Variants in CTNNA2 observed in about 807,000 individuals in gnomAD.
The protein encoded by CTNNA2 is catenin alpha-2.
A neutral mutation model predicts 101.0 loss-of-function variants in CTNNA2; 42 were observed. The observed-to-expected ratio is 0.42, with a 90% confidence interval of 0.32 to 0.54. CTNNA2 has a LOEUF of 0.54. Among genes scored for constraint, CTNNA2 ranks in the 20% least tolerant of loss-of-function variants. CTNNA2 has a pLI of 0.14. For missense variants in CTNNA2, 871 were observed against 1,223.1 expected, an observed-to-expected ratio of 0.71 and a Z score of 4.29; for synonymous variants, 450 against 456.4, an observed-to-expected ratio of 0.99 and a Z score of 0.18.
intron 4 of CTNNA2, among the ~76,000 whole-genome samples, chr2:79,400,794 A>C (rs907180028): frequency 1.3e-5 from 2 of 151,944 alleles, no homozygotes; most frequent in Admixed American, 6.6e-5. Flanking sequence ...TACATATCCA[A>C]TTAGTTCAAT....
At chr2:80,385,943 A>G (rs1440852845) in intron 7 of CTNNA2, among the ~76,000 whole-genome samples, 1 of 152,070 alleles carries the variant, frequency 6.6e-6, no homozygotes, top group Non-Finnish European at 1.5e-5. Flanking sequence ...CTGCCCACAG[A>G]GTCTTGGTTG....
At chr2:79,416,065 T>C (rs1175230946) in intron 4 of CTNNA2, among the ~76,000 whole-genome samples, 3 of 152,092 alleles carry the variant, frequency 2.0e-5, no homozygotes, top group African/African-American at 7.2e-5. Context: ...CAGCTATTAA[T>C]AAGATACTTG....
At chr2:79,380,376 C>T (rs921684119) in intron 4 of CTNNA2, among the ~76,000 whole-genome samples, 10 of 140,120 alleles carry the variant, frequency 7.1e-5, no homozygotes, top group Non-Finnish European at 1.1e-4. Flanking sequence ...CATGCCTCTT[C>T]CATTTTATGA....
At chr2:80,065,918 T>C (rs1697954856) in intron 7 of CTNNA2, among the ~76,000 whole-genome samples, 2 of 152,168 alleles carry the variant, frequency 1.3e-5, no homozygotes, top group African/African-American at 4.8e-5. Context: ...ATTCCTGAAA[T>C]AACTTAAAGA....
chr2:79,264,134 A>G (rs1674959835), intron 2 of CTNNA2, among the ~76,000 whole-genome samples: 1 of 152,154 alleles, frequency 6.6e-6, no homozygotes, highest in African/African-American at 2.4e-5. Flanking sequence ...ACTGGAATGA[A>G]GGAGGGAAAC....
intron 5 of CTNNA2, among the ~76,000 whole-genome samples, chr2:79,872,403 A>T (rs60021280): frequency 0.051 from 7,730 of 152,202 alleles, 568 homozygotes; most frequent in East Asian, 0.29. Context: ...TTTAGTATAG[A>T]TACCCAGGAA....
intron 1 of CTNNA2, among the ~76,000 whole-genome samples, chr2:79,518,571 C>T (rs1671929245): frequency 1.3e-5 from 2 of 152,150 alleles, no homozygotes; most frequent in Non-Finnish European, 2.9e-5. Flanking sequence ...TGTTCTTCCA[C>T]ATCCCACCCA....
rs142814671 is a variant in CTNNA2 at position 80,324,758 on chromosome 2, C to T, written c.1057-68453C>T. On this transcript the variant is annotated intron_variant, in intron 7 of 18. Transcript: ENST00000402739. Reference sequence around the variant, plus strand: ...CCCTCATCTTGCTGTTACTATGTCTCTTATTGGTTTTATTCCAGACACACT... The same window carrying T: ...CCCTCATCTTGCTGTTACTATGTCTTTTATTGGTTTTATTCCAGACACACT... Among the ~76,000 whole-genome samples, 675 of 152,226 alleles carry T rather than the reference C, an allele frequency of 4.4e-3. 3 individuals are homozygous for T. The highest frequency in any genetic ancestry group is 7.3e-3 in the Admixed American group (111 of 15,296).
chr2:80,023,809 C>T (rs952795472), intron 7 of CTNNA2, among the ~76,000 whole-genome samples: 1 of 152,116 alleles, frequency 6.6e-6, no homozygotes, highest in Non-Finnish European at 1.5e-5. Flanking sequence ...AAGGTTTGGC[C>T]GGACGTGGTG....
At chr2:79,967,929 T>C (rs954603525) in intron 7 of CTNNA2, among the ~76,000 whole-genome samples, 3 of 152,224 alleles carry the variant, frequency 2.0e-5, no homozygotes, top group Admixed American at 6.5e-5. Flanking sequence ...AAGAACATTA[T>C]GCTATATAAA....
intron 3 of CTNNA2, among the ~76,000 whole-genome samples, chr2:79,813,656 T>C (rs1677225842): frequency 6.6e-6 from 1 of 152,116 alleles, no homozygotes; most frequent in Admixed American, 6.6e-5. Context: ...TGAGAGACAG[T>C]GACATTCGGG....
chr2:79,653,499 G>A (rs1315789988), intron 2 of CTNNA2, among the ~76,000 whole-genome samples: 3 of 152,132 alleles, frequency 2.0e-5, no homozygotes, highest in Non-Finnish European at 4.4e-5. Flanking sequence ...CTCTGTTGAA[G>A]TGGCTGAGGG....
chr2:79,856,277 G>A (rs1432423640), intron 3 of CTNNA2, among the ~76,000 whole-genome samples: 1 of 152,122 alleles, frequency 6.6e-6, no homozygotes, highest in African/African-American at 2.4e-5. Flanking sequence ...TCACTGTGAG[G>A]GTTTAAATAA....
chr2:79,494,584 A>G (rs2104567618), intron 4 of CTNNA2, among the ~76,000 whole-genome samples: 1 of 152,312 alleles, frequency 6.6e-6, no homozygotes, highest in South Asian at 2.1e-4. Flanking sequence ...AAATGTTACT[A>G]GAAACAATGC....
intron 1 of CTNNA2, among the ~76,000 whole-genome samples, chr2:79,607,978 GT>G: frequency 6.6e-6 from 1 of 150,782 alleles, no homozygotes; most frequent in African/African-American, 2.4e-5. Context: ...AAGGCAGGTT[GT>G]TTTTTTTTAA....
intron 1 of CTNNA2, among the ~76,000 whole-genome samples, chr2:79,606,006 A>G (rs574611144): frequency 6.6e-6 from 1 of 152,334 alleles, no homozygotes; most frequent in East Asian, 1.9e-4. Flanking sequence ...AGAAAAATCA[A>G]TGTAAACTTT....
At chr2:79,516,871 T>C (rs1671835544) in intron 1 of CTNNA2, among the ~76,000 whole-genome samples, 1 of 152,238 alleles carries the variant, frequency 6.6e-6, no homozygotes, top group African/African-American at 2.4e-5. Context: ...TCCAGGACTA[T>C]ATCTCGTTGT....
At chr2:80,297,616 GCCT>G (rs1480174776) in intron 7 of CTNNA2, among the ~76,000 whole-genome samples, 1 of 152,060 alleles carries the variant, frequency 6.6e-6, no homozygotes, top group African/African-American at 2.4e-5. Flanking sequence ...TAAGAATTTT[GCCT>G]CCTGAATCCC....
chr2:80,152,351 G>A (rs910924209), intron 7 of CTNNA2, among the ~76,000 whole-genome samples: 2 of 150,860 alleles, frequency 1.3e-5, no homozygotes, highest in African/African-American at 4.9e-5. Flanking sequence ...CATTCCCTGT[G>A]TGAGACTGTG....
Sources: gnomAD v4.1 joint callset for allele counts (sites outside exome capture counted in the v4.1 genomes callset) on GRCh38, gnomAD v4.1.1 for gene constraint, MANE v1.5 for transcripts, NCBI Gene and HGNC (gene_info 2026-07-23, HGNC 2026-07-21) for gene names.